BMPR2: variants seen among roughly 807,000 people sequenced by gnomAD.
BMPR2 encodes the protein bone morphogenetic protein receptor type-2.
Under a neutral mutation model 100.8 loss-of-function variants are expected in BMPR2, and 29 were observed. That is an observed-to-expected ratio of 0.29 (90% CI 0.21 to 0.39). BMPR2 has a LOEUF of 0.39. BMPR2 is among the 10% of genes least tolerant of loss of function. BMPR2 has a pLI of 1.00. For synonymous variants in BMPR2, 382 were observed against 442.3 expected (o/e 0.86, Z 1.71); for missense variants, 1,011 against 1,274.5 (o/e 0.79, Z 3.15).
intron 1 of BMPR2, among the ~76,000 whole-genome samples, chr2:202,397,342 A>G (rs1449757821): frequency 1.3e-5 from 2 of 152,210 alleles, no homozygotes; most frequent in Admixed American, 6.6e-5. Context: ...TACATTATAC[A>G]GAAGTTAACT....
At chr2:202,408,043 C>T (rs887598285) in intron 1 of BMPR2, among the ~76,000 whole-genome samples, 1 of 151,900 alleles carries the variant, frequency 6.6e-6, no homozygotes, top group Non-Finnish European at 1.5e-5. Flanking sequence ...CCGTGTTAGC[C>T]AGGATGGTCT....
At chr2:202,387,990 T>G (rs1690464537) in intron 1 of BMPR2, among the ~76,000 whole-genome samples, 1 of 152,226 alleles carries the variant, frequency 6.6e-6, no homozygotes, top group South Asian at 2.1e-4. Context: ...TAATCGTTTT[T>G]TCCTTTGGCT....
At chr2:202,438,580 T>C (rs1239960106) in intron 1 of BMPR2, among the ~76,000 whole-genome samples, 1 of 150,674 alleles carries the variant, frequency 6.6e-6, no homozygotes, top group African/African-American at 2.5e-5. Flanking sequence ...CTGAGATATT[T>C]ATAGATTTAC....
intron 3 of BMPR2, among the ~76,000 whole-genome samples, chr2:202,476,617 G>A (rs897993437): frequency 6.6e-6 from 1 of 151,912 alleles, no homozygotes; most frequent in African/African-American, 2.4e-5. Context: ...AATGAAACCC[G>A]TCTCTACTAA....
chr2:202,410,160 T>C (rs1690984722), intron 1 of BMPR2, among the ~76,000 whole-genome samples: 1 of 152,046 alleles, frequency 6.6e-6, no homozygotes, highest in Non-Finnish European at 1.5e-5. Flanking sequence ...AATTTTTGTA[T>C]TTTCTGTAGA....
In BMPR2 at chr2:202,436,091, A is replaced by G. The variant is rs567904989; in HGVS notation, c.77-28718A>G. The stretch of plus-strand genomic sequence containing the variant: ...TTTCTTATACTATGTTTCTTTCTAT[A>G]CTAAGTTAACTATAAAATGGTACAT... On this transcript the variant is annotated intron_variant, in intron 1 of 12. Coordinates refer to ENST00000374580, the MANE Select transcript of BMPR2 (RefSeq NM_001204.7). Among the ~76,000 whole-genome samples the G allele has an allele frequency of 9.9e-4, 149 of 150,974 alleles. 14 individuals carry two copies. Among genetic ancestry groups the G allele is most frequent in the African/African-American group, 3.5e-3 (141 of 40,264 alleles).
At chr2:202,502,202 A>T (rs1459255892) in intron 3 of BMPR2, among the ~76,000 whole-genome samples, 1 of 152,214 alleles carries the variant, frequency 6.6e-6, no homozygotes, top group Non-Finnish European at 1.5e-5. Context: ...CTCTGGGGGA[A>T]CCCCTATTAA....
rs11890733 is a variant in BMPR2 at position 202,430,096 on chromosome 2, G to C, written c.77-34713G>C. 2.3e-3 allele frequency among the ~76,000 whole-genome samples: 344 copies of C among 152,274 alleles called. 1 individual carries two copies. The highest frequency in any genetic ancestry group is 7.8e-3 in the African/African-American group (323 of 41,562). On this transcript the variant is annotated intron_variant, in intron 1 of 12. Transcript: ENST00000374580. ...GCAGTCAGGTTCTGGTGAGAGCTCT[G>C]GGTTGCCTTCCACTGTGAAATTAGA...
chr2:202,562,627 G>T lies in BMPR2; in HGVS notation c.*2681G>T, dbSNP rs1207602546. On this transcript the variant is annotated 3_prime_UTR_variant, in exon 13 of 13. Coordinates refer to ENST00000374580, the MANE Select transcript of BMPR2 (RefSeq NM_001204.7). ...AAAAGTGGGGTCCTTTTGAATAAAA[G>T]ATCATTCAACTAAAAATATTAAAAT... is the stretch of plus-strand genomic sequence containing the variant. The T allele has an allele frequency of 2.0e-5, 3 of 152,096 alleles. No individual in the cohort carries two copies. Among genetic ancestry groups the T allele is most frequent in the African/African-American group, 7.2e-5 (3 of 41,400 alleles). 9.4% of individuals were successfully genotyped at this position (152,096 alleles called of 1,614,324 possible). A position where few individuals can be genotyped will look rare whatever the true frequency, so the allele number is the denominator to read the frequency against.
chr2:202,413,474 GC>G (rs1460299282), intron 1 of BMPR2, among the ~76,000 whole-genome samples: 1 of 152,080 alleles, frequency 6.6e-6, no homozygotes, highest in African/African-American at 2.4e-5. Context: ...ATCTGTTAAT[GC>G]AAATGTGGTG....
In BMPR2 at chr2:202,428,577, G is replaced by GT. The variant is rs369724816; in HGVS notation, c.77-36222dup. Among the ~76,000 whole-genome samples, 95 of 147,804 alleles carry GT rather than the reference G, an allele frequency of 6.4e-4. 1 individual carries two copies. The Middle Eastern group carries it at 0.01, about 16-fold the overall frequency. ...CCACACCCTGGCTAATTTTAAAAAA[G>GT]TTTTTTTTTTGGTAGAGATGGGTCC... On this transcript the variant is annotated intron_variant, in intron 1 of 12. Transcript: ENST00000374580.
chr2:202,541,066 G>A (rs1169024929), intron 9 of BMPR2, among the ~76,000 whole-genome samples: 1 of 152,028 alleles, frequency 6.6e-6, no homozygotes, highest in Non-Finnish European at 1.5e-5. Flanking sequence ...GTGCTTATTG[G>A]CAATGAATAG....
chr2:202,406,688 T>C (rs1315518017), intron 1 of BMPR2, among the ~76,000 whole-genome samples: 1 of 152,168 alleles, frequency 6.6e-6, no homozygotes, highest in Non-Finnish European at 1.5e-5. Context: ...CTGCCAGAGA[T>C]TGGCAGGCTT....
intron 1 of BMPR2, among the ~76,000 whole-genome samples, chr2:202,445,581 T>G (rs182386492): frequency 6.7e-6 from 1 of 149,866 alleles, no homozygotes; most frequent in East Asian, 1.9e-4. Context: ...GTTTTATTAA[T>G]TTACATTCCC....
Position 202,565,331 on chromosome 2 carries a change from A to G in BMPR2, c.*5385A>G, listed in dbSNP as rs1187546827. Reference sequence around the variant, plus strand: ...AGCTCTTCTCCTCAGTCCTATTTTAATGACTTTATATTTAAGAATATAGAA... The same window carrying G: ...AGCTCTTCTCCTCAGTCCTATTTTAGTGACTTTATATTTAAGAATATAGAA... On this transcript the variant is annotated 3_prime_UTR_variant, in exon 13 of 13. Coordinates refer to ENST00000374580, the MANE Select transcript of BMPR2 (RefSeq NM_001204.7). 2.0e-5 allele frequency: 3 copies of G among 152,132 alleles called. No homozygotes were observed. The highest frequency in any genetic ancestry group is 4.4e-5 in the Non-Finnish European group (3 of 68,026). The allele number at this position is 152,132 out of a possible 1,614,324, so 9.4% of individuals were successfully genotyped here.
At chr2:202,431,720 C>T (rs758023353) in intron 1 of BMPR2, among the ~76,000 whole-genome samples, 6 of 150,362 alleles carry the variant, frequency 4.0e-5, no homozygotes, top group Non-Finnish European at 8.8e-5. Flanking sequence ...GAGCAATAGA[C>T]TTTATAACCT....
chr2:202,412,143 A>G (rs1691025041), intron 1 of BMPR2, among the ~76,000 whole-genome samples: 2 of 152,230 alleles, frequency 1.3e-5, no homozygotes, highest in African/African-American at 4.8e-5. Flanking sequence ...ACATTTTCCA[A>G]CTAAAAAGTT....
chr2:202,548,657 A>G (rs1688418182), intron 10 of BMPR2, among the ~76,000 whole-genome samples: 2 of 152,184 alleles, frequency 1.3e-5, no homozygotes, highest in Non-Finnish European at 2.9e-5. Flanking sequence ...TGGGTAGGAA[A>G]GATTGAAAAA....
At chr2:202,441,849 A>G (rs1234390454) in intron 1 of BMPR2, among the ~76,000 whole-genome samples, 4 of 150,156 alleles carry the variant, frequency 2.7e-5, no homozygotes, top group South Asian at 2.1e-4. Context: ...TCTGGCCAAC[A>G]TGGTGAAACC....
Sources: allele counts gnomAD v4.1 joint callset (sites outside exome capture counted in the v4.1 genomes callset), GRCh38; gene constraint gnomAD v4.1.1; transcripts MANE v1.5; gene names NCBI Gene and HGNC (gene_info 2026-07-23, HGNC 2026-07-21).